Variants in BCLAF1 observed in about 807,000 individuals in gnomAD.
BCLAF1 encodes BCL2 associated transcription factor 1.
Under a neutral mutation model 99.5 loss-of-function variants are expected in BCLAF1, and 10 were observed. The ratio of observed to expected loss-of-function variants is 0.10; its 90% confidence interval spans 0.06 to 0.17. The LOEUF (loss-of-function observed/expected upper bound fraction) is 0.17. Among genes scored for constraint, BCLAF1 ranks in the 10% least tolerant of loss-of-function variants. BCLAF1 has a pLI of 1.00. For missense variants in BCLAF1, 636 were observed against 1,105.8 expected (o/e 0.58, Z 6.02); for synonymous variants, 255 against 370.9 (o/e 0.69, Z 3.59).
intron 1 of BCLAF1, among the ~76,000 whole-genome samples, chr6:136,287,746 G>C (rs576538303): frequency 1.3e-3 from 192 of 152,236 alleles, no homozygotes; most frequent in Middle Eastern, 3.4e-3. Context: ...AAATTCAACC[G>C]AGGCCAGGCG....
intron 11 of BCLAF1, among the ~76,000 whole-genome samples, chr6:136,266,822 CTA>C: frequency 6.6e-6 from 1 of 151,912 alleles, no homozygotes; most frequent in East Asian, 1.9e-4. Flanking sequence ...CCTGATCAGC[CTA>C]TGTTTAATAT....
intron 8 of BCLAF1, among the ~76,000 whole-genome samples, chr6:136,271,316 C>T (rs1368239687): frequency 6.6e-6 from 1 of 151,866 alleles, no homozygotes; most frequent in African/African-American, 2.4e-5. Flanking sequence ...CACATTTCTA[C>T]TACTAGACAT....
chr6:136,275,487 A>G (rs1783155743), intron 6 of BCLAF1, 45 bp downstream of exon 6: 1 of 1,438,404 alleles, frequency 7.0e-7, no homozygotes, highest in Admixed American at 2.7e-5. Context: ...TTTTATTTGC[A>G]TGCAAGAGAA....
chr6:136,264,896 T>C (rs968758556), intron 11 of BCLAF1, among the ~76,000 whole-genome samples: 60 of 152,336 alleles, frequency 3.9e-4, no homozygotes, highest in African/African-American at 1.3e-3. Context: ...AAAATATTAC[T>C]GCTACTTATA....
intron 1 of BCLAF1, among the ~76,000 whole-genome samples, chr6:136,285,354 G>C (rs1010249082): frequency 1.3e-5 from 2 of 152,162 alleles, no homozygotes; most frequent in African/African-American, 2.4e-5. Flanking sequence ...TAAATTCTAG[G>C]TTTTAGATTC....
At position 136,259,136 on chromosome 6, in the gene BCLAF1, AT is replaced by A. The variant is rs924402677; in HGVS notation, c.*1973del. On this transcript the variant is annotated 3_prime_UTR_variant, in exon 13 of 13. Coordinates refer to ENST00000531224, the MANE Select transcript of BCLAF1 (RefSeq NM_014739.3). The stretch of plus-strand genomic sequence containing the variant: ...GACATTCTATTACAGAGTTCTTACA[AT>A]CACCCTAGCCTACTACACTCTGGTA... 1.3e-5 allele frequency: 2 copies of A among 152,034 alleles called. No individual in the cohort carries two copies. The highest frequency in any genetic ancestry group is 4.8e-5 in the African/African-American group (2 of 41,458). The allele number at this position is 152,034 out of a possible 1,614,324, so 9.4% of individuals were successfully genotyped here.
chr6:136,268,040 A>G (rs997095000), intron 10 of BCLAF1, 122 bp downstream of exon 10: 4 of 983,978 alleles, frequency 4.1e-6, no homozygotes, highest in African/African-American at 1.7e-5. Flanking sequence ...TTTCAATACT[A>G]TCTCTGACTT....
At chr6:136,287,666 T>C (rs1785332774) in intron 1 of BCLAF1, among the ~76,000 whole-genome samples, 1 of 152,172 alleles carries the variant, frequency 6.6e-6, no homozygotes, top group South Asian at 2.1e-4. Flanking sequence ...ATAAAACTTT[T>C]CTCCATTTCT....
intron 3 of BCLAF1, 62 bp from the exon 4 acceptor site, chr6:136,278,838 A>G: frequency 7.3e-7 from 1 of 1,375,982 alleles, no homozygotes; most frequent in Non-Finnish European, 9.5e-7. Context: ...CATTCTAAAT[A>G]CTCTGGTTGA....
intron 6 of BCLAF1, among the ~76,000 whole-genome samples, chr6:136,274,440 T>TA (rs1782974244): frequency 6.6e-6 from 1 of 152,014 alleles, no homozygotes; most frequent in South Asian, 2.1e-4. Context: ...ATATTTTATG[T>TA]ACCACAGTAA....
rs1378446474 is a variant in BCLAF1 at position 136,259,846 on chromosome 6, A to C, written c.*1264T>G. On this transcript the variant is annotated 3_prime_UTR_variant, in exon 13 of 13. Transcript: ENST00000531224. ...GTGTCTACTTTTATATATGCCCATA[A>C]AGCAGACACTTAACATTGAAATTTA... 2 of 152,064 alleles carry C rather than the reference A, an allele frequency of 1.3e-5. No homozygotes were observed. Among genetic ancestry groups the C allele is most frequent in the African/African-American group, 4.8e-5 (2 of 41,442 alleles). The allele number at this position is 152,064 out of a possible 1,614,324, so 9.4% of individuals were successfully genotyped here. A position where few individuals can be genotyped will look rare whatever the true frequency, so the allele number is the denominator to read the frequency against.
In BCLAF1 at chr6:136,277,817, A is replaced by C; in HGVS notation, c.1016+48T>G. The C allele has an allele frequency of 3.2e-6, 5 of 1,544,906 alleles. No homozygotes were observed. The South Asian group carries it at 6.2e-5, about 19-fold the overall frequency. On this transcript the variant is annotated intron_variant, in intron 4 of 12. Transcript: ENST00000531224. The stretch of plus-strand genomic sequence containing the variant: ...CGTTTATAATTCCAAACAGAATTCA[A>C]AGAACAAAAACAATATTATAATCTA...
At position 136,259,708 on chromosome 6, in the gene BCLAF1, G is replaced by A. The variant is rs749896964; in HGVS notation, c.*1402C>T. The A allele has an allele frequency of 2.6e-5, 4 of 151,878 alleles. No homozygotes were observed. Among genetic ancestry groups the A allele is most frequent in the Admixed American group, 6.6e-5 (1 of 15,236 alleles). 9.4% of individuals were successfully genotyped at this position (151,878 alleles called of 1,614,324 possible). A position where few individuals can be genotyped will look rare whatever the true frequency, so the allele number is the denominator to read the frequency against. On this transcript the variant is annotated 3_prime_UTR_variant, in exon 13 of 13. Coordinates refer to ENST00000531224, the MANE Select transcript of BCLAF1 (RefSeq NM_014739.3). ...GGTGCTAGACGCACTGCAAATCCTCGAAAGTGTTTAAGATGAAAGAGCAAT... is the reference window on the plus strand; with the variant it reads ...GGTGCTAGACGCACTGCAAATCCTCAAAAGTGTTTAAGATGAAAGAGCAAT...
At chr6:136,277,807 A>G in intron 4 of BCLAF1, 58 bp downstream of exon 4, 1 of 1,526,102 alleles carries the variant, frequency 6.6e-7, no homozygotes, top group South Asian at 1.3e-5. Context: ...ATAATTCCAA[A>G]CAGAATTCAA....
chr6:136,287,849 C>G (rs1480383154), intron 1 of BCLAF1, among the ~76,000 whole-genome samples: 1 of 152,122 alleles, frequency 6.6e-6, no homozygotes. Flanking sequence ...TGTGAAACTC[C>G]GTCTCTACTA....
chr6:136,271,919 T>G, intron 8 of BCLAF1, 76 bp downstream of exon 8: 115 of 1,093,378 alleles, frequency 1.1e-4, no homozygotes, highest in Middle Eastern at 4.0e-4. Context: ...CATTTTGCCT[T>G]GAGAAACTAT....
intron 3 of BCLAF1, 91 bp from the exon 4 acceptor site, chr6:136,278,867 C>CAGTA (rs1255239306): frequency 1.1e-5 from 14 of 1,228,310 alleles, no homozygotes; most frequent in Non-Finnish European, 1.5e-5. Context: ...TGTAAATAAA[C>CAGTA]AGTAAAGGCA....
chr6:136,278,926 C>A, intron 3 of BCLAF1, 150 bp from the exon 4 acceptor site: 2 of 776,346 alleles, frequency 2.6e-6, no homozygotes, highest in Non-Finnish European at 3.7e-6. Flanking sequence ...TAATGGTTTC[C>A]AATCAAAAAG....
At chr6:136,278,994 A>AACACAC (rs71006795) in intron 3 of BCLAF1, among the ~76,000 whole-genome samples, 15,555 of 145,370 alleles carry the variant, frequency 0.11, 1,311 homozygotes, top group African/African-American at 0.23. Context: ...GAAGGCACAA[A>AACACAC]ACACACACAC....
Sources: gnomAD v4.1 joint callset for allele counts (sites outside exome capture counted in the v4.1 genomes callset) on GRCh38, gnomAD v4.1.1 for gene constraint, MANE v1.5 for transcripts, NCBI Gene and HGNC (gene_info 2026-07-23, HGNC 2026-07-21) for gene names.